TDRD9: variants seen among roughly 807,000 people sequenced by gnomAD.
TDRD9 encodes the protein ATP-dependent RNA helicase TDRD9.
In TDRD9, 124 loss-of-function variants were observed where a neutral mutation model predicts 172.6. The ratio of observed to expected loss-of-function variants is 0.72; its 90% CI spans 0.62 to 0.83. TDRD9 has a LOEUF of 0.83. Among genes scored for constraint, TDRD9 ranks in the 40% least tolerant of loss-of-function variants. The pLI is 0.00. For synonymous variants in TDRD9, 619 were observed against 617.1 expected (o/e 1.00, Z -0.05); for missense variants, 1,479 against 1,714.1 (o/e 0.86, Z 2.42).
intron 34 of TDRD9, among the ~76,000 whole-genome samples, chr14:104,042,749 G>A (rs539801216): frequency 6.6e-6 from 1 of 152,234 alleles, no homozygotes; most frequent in Admixed American, 6.5e-5. Flanking sequence ...CACCTACCCA[G>A]TCCTGTGCTC....
At chr14:104,019,456 A>G (rs2034888741) in intron 23 of TDRD9, among the ~76,000 whole-genome samples, 2 of 151,930 alleles carry the variant, frequency 1.3e-5, no homozygotes, top group East Asian at 1.9e-4. Flanking sequence ...TCCGCCTCCC[A>G]TTGCCTGGGA....
rs368241946 is a variant in TDRD9, at chr14:104,006,548, A to C, written c.1873A>C (p.Ile625Leu). Residue 625 changes from isoleucine to leucine, a missense_variant, in exon 16 of 36, where the codon ATT becomes CTT. By Grantham distance (5) the Ile-to-Leu change is conservative. This residue lies in a region of TDRD9 where 1,413 missense variants were observed against 1,649.1 expected (regional missense o/e 0.86). Transcript: ENST00000409874. ...HVFGCLDECLIIAAALSLKNF... is the reference protein window; with the variant it reads ...HVFGCLDECLLIAAALSLKNF... ...ATTTGGATGTCTAGATGAATGTCTT[A>C]TTATAGGTAAGTGTGAGAACAAATA... 1 of 1,613,580 alleles carries C rather than the reference A, an allele frequency of 6.2e-7. No homozygotes were observed. Among genetic ancestry groups the C allele is most frequent in the Non-Finnish European group, 8.5e-7 (1 of 1,179,528 alleles).
Position 103,939,743 on chromosome 14 carries a change from G to GTTTTTTTTTTTTTTTTTTTT in TDRD9, c.215+11021_215+11040dup, listed in dbSNP as rs371934680. 5.7e-4 allele frequency: 10 copies of GTTTTTTTTTTTTTTTTTTTT among 17,432 alleles called. 1 individual carries two copies. The highest frequency in any genetic ancestry group is 9.7e-4 in the Non-Finnish European group (8 of 8,282). The allele number at this position is 17,432 out of a possible 1,614,324, so 1.1% of individuals were successfully genotyped here. A position where few individuals can be genotyped will look rare whatever the true frequency, so the allele number is the denominator to read the frequency against. On this transcript the variant is annotated intron_variant, in intron 1 of 35. Coordinates refer to ENST00000409874, the MANE Select transcript of TDRD9 (RefSeq NM_153046.3). ...AGTTCTAGTCTTTTTGAAAAAAAGTGTTTTTTTTTTTTTTTTTTTTTGAGA... is the reference window on the plus strand; with the variant it reads ...AGTTCTAGTCTTTTTGAAAAAAAGTGTTTTTTTTTTTTTTTTTTTTTTTTTTTTTTTTTTTTTTTTTGAGA...
intron 23 of TDRD9, among the ~76,000 whole-genome samples, chr14:104,021,671 C>A (rs1485701645): frequency 1.3e-5 from 2 of 151,866 alleles, no homozygotes; most frequent in Non-Finnish European, 2.9e-5. Flanking sequence ...GGCGACAGAG[C>A]GAGACTCCAT....
At chr14:104,029,082 G>A (rs774254514) in intron 28 of TDRD9, among the ~76,000 whole-genome samples, 6 of 152,088 alleles carry the variant, frequency 3.9e-5, no homozygotes, top group Non-Finnish European at 5.9e-5. Context: ...TTTGGTTACC[G>A]TAGCTTTGTA....
In TDRD9 at chr14:103,965,347, A is replaced by G; in HGVS notation, c.435A>G (p.Ile145Met). The change falls in exon 4 of 36, where the codon ATA becomes ATG. Residue 145 changes from isoleucine to methionine, a missense_variant. Ile to Met is a conservative substitution (Grantham distance 10, BLOSUM62 1). Coordinates refer to ENST00000409874, the MANE Select transcript of TDRD9 (RefSeq NM_153046.3). Reference protein sequence around the residue: ...SRYKEEVVSLIESNSVVIIHG... With the variant: ...SRYKEEVVSLMESNSVVIIHG... Reference sequence around the variant, plus strand: ...TAAATTTCTAGGTTGTGTCTTTGATAGAAAGTAATTCCGTGGTGATTATCC... The same window carrying G: ...TAAATTTCTAGGTTGTGTCTTTGATGGAAAGTAATTCCGTGGTGATTATCC... 1 of 1,551,768 alleles carries G rather than the reference A, an allele frequency of 6.4e-7. No individual in the cohort carries two copies. Among genetic ancestry groups the G allele is most frequent in the Non-Finnish European group, 8.7e-7 (1 of 1,146,988 alleles).
At chr14:104,048,205 A>G (rs1305672504) in intron 34 of TDRD9, among the ~76,000 whole-genome samples, 1 of 152,172 alleles carries the variant, frequency 6.6e-6, no homozygotes, top group Non-Finnish European at 1.5e-5. Context: ...ATGTGAGGTC[A>G]CTGATGTCTG....
In TDRD9 at chr14:104,005,250, A is replaced by G. The variant is rs527525838; in HGVS notation, c.1582-24A>G. ...CTGATTTAGTTATGTTATTATTTCTAATCTCAGGCTTGTTTCTTTTCAGCG... is the reference window on the plus strand; with the variant it reads ...CTGATTTAGTTATGTTATTATTTCTGATCTCAGGCTTGTTTCTTTTCAGCG... On this transcript the variant is annotated intron_variant, in intron 14 of 35. Transcript: ENST00000409874. The G allele has an allele frequency of 1.1e-5, 17 of 1,612,790 alleles. No individual in the cohort carries two copies. In the South Asian group the frequency reaches 1.6e-4, roughly 16 times the overall value.
chr14:103,966,592 T>C, intron 4 of TDRD9, 117 bp from the exon 5 acceptor site: 2 of 1,018,818 alleles, frequency 2.0e-6, no homozygotes, highest in East Asian at 5.3e-5. Context: ...TTGGAGCCTG[T>C]GTATCTTTCG....
chr14:103,965,801 C>T (rs573447680), intron 4 of TDRD9, among the ~76,000 whole-genome samples: 1 of 151,204 alleles, frequency 6.6e-6, no homozygotes, highest in South Asian at 2.1e-4. Flanking sequence ...AAAAATTAGC[C>T]GGATGTGGTG....
At chr14:103,943,690 T>A (rs868329498) in intron 1 of TDRD9, among the ~76,000 whole-genome samples, 1 of 152,144 alleles carries the variant, frequency 6.6e-6, no homozygotes, top group African/African-American at 2.4e-5. Flanking sequence ...TGCTAAAGAG[T>A]AGATAGTATA....
chr14:103,977,859 G>A (rs2033318379), intron 7 of TDRD9, among the ~76,000 whole-genome samples: 1 of 152,002 alleles, frequency 6.6e-6, no homozygotes, highest in African/African-American at 2.4e-5. Context: ...TTGAGAGAGA[G>A]GGGTTTAGTT....
intron 1 of TDRD9, chr14:103,939,898 C>T (rs1468575639): frequency 6.7e-6 from 1 of 150,108 alleles, no homozygotes; most frequent in East Asian, 1.9e-4. Flanking sequence ...AGGTATGTGC[C>T]ACCACACCCA....
At chr14:104,041,555 A>G (rs2035612136) in intron 33 of TDRD9, among the ~76,000 whole-genome samples, 1 of 152,256 alleles carries the variant, frequency 6.6e-6, no homozygotes, top group South Asian at 2.1e-4. Flanking sequence ...CAGAATTAAA[A>G]TACGGATGAC....
At chr14:103,977,138 A>G (rs2033277158) in intron 7 of TDRD9, among the ~76,000 whole-genome samples, 1 of 152,156 alleles carries the variant, frequency 6.6e-6, no homozygotes, top group Non-Finnish European at 1.5e-5. Flanking sequence ...TGTATTAGCC[A>G]GTAGTATGCC....
intron 29 of TDRD9, among the ~76,000 whole-genome samples, chr14:104,031,473 T>G (rs1248402311): frequency 6.7e-6 from 1 of 149,116 alleles, no homozygotes; most frequent in African/African-American, 2.5e-5. Context: ...GACTAGTTTT[T>G]TTTTTTTTTT....
chr14:103,981,330 T>A (rs1422286082), intron 7 of TDRD9, among the ~76,000 whole-genome samples: 1 of 152,236 alleles, frequency 6.6e-6, no homozygotes, highest in Non-Finnish European at 1.5e-5. Context: ...AACACTTAGA[T>A]GCTTCCTTGT....
chr14:103,971,935 T>C lies in TDRD9; in HGVS notation c.846+1314T>C, dbSNP rs80299401. The stretch of plus-strand genomic sequence containing the variant: ...GTTTGGGGGGCAAAGGTGGGCAGAT[T>C]GCTTGAGCCCAAGGAGATCAAGACC... On this transcript the variant is annotated intron_variant, in intron 6 of 35. Transcript: ENST00000409874. 1.9e-3 allele frequency among the ~76,000 whole-genome samples: 289 copies of C among 152,190 alleles called. 1 individual carries two copies. The highest frequency in any genetic ancestry group is 6.8e-3 in the African/African-American group (282 of 41,548).
intron 6 of TDRD9, among the ~76,000 whole-genome samples, chr14:103,972,110 C>T (rs535697207): frequency 5.9e-5 from 9 of 151,920 alleles, no homozygotes; most frequent in African/African-American, 1.9e-4. Flanking sequence ...ACTGTGATTG[C>T]GCCACTGCAC....
Sources: gnomAD v4.1 joint callset for allele counts (sites outside exome capture counted in the v4.1 genomes callset) on GRCh38, gnomAD v4.1.1 for gene constraint, gnomAD v4.1.1 regional missense constraint, MANE v1.5 for transcripts, NCBI Gene and HGNC (gene_info 2026-07-23, HGNC 2026-07-21) for gene names.